Variants in PTGER3 observed in about 807,000 individuals in gnomAD.
PTGER3 encodes prostaglandin E receptor 3, also known as prostaglandin E2 receptor EP3 subtype.
Under a neutral mutation model 34.7 loss-of-function variants are expected in PTGER3, and 22 were observed. The observed-to-expected ratio is 0.63, with a 90% CI of 0.45 to 0.91. The LOEUF is 0.91. Ranked by LOEUF, PTGER3 falls within the 40% of genes least tolerant of loss-of-function variation. The pLI is 0.00. For missense variants in PTGER3, 468 were observed against 519.4 expected, an observed-to-expected ratio of 0.90 and a Z score of 0.96; for synonymous variants, 241 against 230.1, an observed-to-expected ratio of 1.05 and a Z score of -0.43.
intron 4 of PTGER3, among the ~76,000 whole-genome samples, chr1:70,854,687 G>A (rs1337457032): frequency 1.3e-5 from 2 of 152,150 alleles, no homozygotes; most frequent in African/African-American, 4.8e-5. Context: ...ATTTCCTGAG[G>A]CCTCCAAAAC....
chr1:71,029,911 G>A (rs765853075), intron 1 of PTGER3, among the ~76,000 whole-genome samples: 1 of 144,812 alleles, frequency 6.9e-6, no homozygotes, highest in Non-Finnish European at 1.5e-5. Flanking sequence ...GGGTGACAGA[G>A]TGAGACTCCA....
chr1:70,935,845 G>C (rs987322863), intron 4 of PTGER3, among the ~76,000 whole-genome samples: 3 of 151,914 alleles, frequency 2.0e-5, no homozygotes, highest in African/African-American at 7.3e-5. Context: ...AGAGAGGACA[G>C]TAGAACTAGG....
rs1009781914 is a variant in PTGER3 at position 70,970,821 on chromosome 1, C to A, written c.*909G>T. 6 of 890,944 alleles carry A rather than the reference C, an allele frequency of 6.7e-6. No homozygotes were observed. The highest frequency in any genetic ancestry group is 8.1e-6 in the Non-Finnish European group (6 of 744,070). The allele number at this position is 890,944 out of a possible 1,614,324, so 55.2% of individuals were successfully genotyped here. On this transcript the variant is annotated 3_prime_UTR_variant, in exon 4 of 4. Coordinates refer to ENST00000306666, the MANE Select transcript of PTGER3 (RefSeq NM_198719.2). The stretch of plus-strand genomic sequence containing the variant: ...ACAAAGTTTTTTATTTTAATACAGA[C>A]AAAATAGATTCTTTTATTTTATAAA...
At chr1:70,948,164 G>A (rs138559964), downstream of PTGER3, among the ~76,000 whole-genome samples, 450 of 152,100 alleles carry the variant, frequency 3.0e-3, 4 homozygotes, top group African/African-American at 0.01. Flanking sequence ...AGATTTATAC[G>A]TTGCCACTGA....
chr1:70,853,241 A>G (rs560734020), intron 4 of PTGER3, among the ~76,000 whole-genome samples: 9 of 152,296 alleles, frequency 5.9e-5, no homozygotes, highest in Non-Finnish European at 1.0e-4. Context: ...ACATAAAAAC[A>G]TTATGGTTCT....
rs144420288 is a variant in PTGER3, at chr1:70,980,104, G to A, written c.1078-5716C>T. 7.1e-3 allele frequency among the ~76,000 whole-genome samples: 1,087 copies of A among 152,182 alleles called. 21 individuals carry two copies. The highest frequency in any genetic ancestry group is 0.025 in the African/African-American group (1,023 of 41,500). ...TGAAAAGAAGAACTGGAAGGGAGGCGGGGAAGTCTTGAACAAAGACAGGAC... is the reference window on the plus strand; with the variant it reads ...TGAAAAGAAGAACTGGAAGGGAGGCAGGGAAGTCTTGAACAAAGACAGGAC... On this transcript the variant is annotated intron_variant, in intron 2 of 3. Transcript: ENST00000306666.
intron 1 of PTGER3, among the ~76,000 whole-genome samples, chr1:71,020,764 A>C (rs1051333615): frequency 6.6e-6 from 1 of 151,304 alleles, no homozygotes; most frequent in South Asian, 2.1e-4. Context: ...ATTAAAAGAA[A>C]TAGCAGATTC....
chr1:70,901,878 A>C (rs1260397004), intron 4 of PTGER3, among the ~76,000 whole-genome samples: 2 of 152,156 alleles, frequency 1.3e-5, no homozygotes, highest in Non-Finnish European at 2.9e-5. Context: ...GAAAGTAAAG[A>C]GAAAAACCAG....
intron 2 of PTGER3, among the ~76,000 whole-genome samples, chr1:70,978,747 C>A (rs1454055881): frequency 1.3e-5 from 2 of 152,088 alleles, no homozygotes; most frequent in African/African-American, 4.8e-5. Flanking sequence ...TGAGCACTGG[C>A]AAGTTCTTCT....
intron 4 of PTGER3, among the ~76,000 whole-genome samples, chr1:70,870,118 A>C (rs1646130856): frequency 6.6e-6 from 1 of 151,938 alleles, no homozygotes; most frequent in South Asian, 2.1e-4. Context: ...CCAAGCCTCC[A>C]CCACTCTTGC....
downstream of PTGER3, chr1:70,950,668 A>G (rs904405708): frequency 6.6e-5 from 10 of 152,296 alleles, no homozygotes; most frequent in African/African-American, 1.7e-4. Flanking sequence ...TTTTAGATAT[A>G]ATACCCAATA....
chr1:70,994,744 T>C (rs1479836444), intron 2 of PTGER3, among the ~76,000 whole-genome samples: 1 of 152,170 alleles, frequency 6.6e-6, no homozygotes, highest in Non-Finnish European at 1.5e-5. Context: ...GCGTGAGCCA[T>C]TGCGACCAGC....
chr1:70,877,432 G>A (rs1222827654), intron 4 of PTGER3, among the ~76,000 whole-genome samples: 4 of 152,028 alleles, frequency 2.6e-5, no homozygotes, highest in Non-Finnish European at 5.9e-5. Context: ...CTTCCTATTT[G>A]GATGCCTTGT....
intron 4 of PTGER3, among the ~76,000 whole-genome samples, chr1:70,854,939 C>A (rs910482329): frequency 6.6e-6 from 1 of 152,052 alleles, no homozygotes; most frequent in African/African-American, 2.4e-5. Flanking sequence ...ACTAAAAATG[C>A]GATTACCATA....
intron 4 of PTGER3, among the ~76,000 whole-genome samples, chr1:70,897,297 C>A (rs567333013): frequency 2.0e-5 from 3 of 152,226 alleles, no homozygotes; most frequent in Non-Finnish European, 2.9e-5. Flanking sequence ...ATCTAACCGG[C>A]AATCCATTCA....
intron 2 of PTGER3, among the ~76,000 whole-genome samples, chr1:70,995,668 A>G (rs1219192280): frequency 6.6e-6 from 1 of 152,124 alleles, no homozygotes; most frequent in Non-Finnish European, 1.5e-5. Flanking sequence ...AATTATTTAT[A>G]AAATAGGAAT....
intron 4 of PTGER3, among the ~76,000 whole-genome samples, chr1:70,928,124 T>C (rs1270958343): frequency 1.2e-5 from 1 of 84,772 alleles, no homozygotes; most frequent in East Asian, 2.4e-4. Flanking sequence ...ATTCATCATA[T>C]ATATATATTT....
chr1:70,855,040 T>C (rs1197893803), intron 4 of PTGER3, among the ~76,000 whole-genome samples: 1 of 152,202 alleles, frequency 6.6e-6, no homozygotes, highest in African/African-American at 2.4e-5. Flanking sequence ...CATTACAGCA[T>C]TATTCTCAAT....
intron 2 of PTGER3, among the ~76,000 whole-genome samples, chr1:70,960,019 G>A (rs577063059): frequency 9.9e-5 from 15 of 152,234 alleles, no homozygotes; most frequent in African/African-American, 3.4e-4. Context: ...ACACATTCAG[G>A]GAGAACACTA....
Sources: gnomAD v4.1 joint callset for allele counts (sites outside exome capture counted in the v4.1 genomes callset) on GRCh38, gnomAD v4.1.1 for gene constraint, MANE v1.5 for transcripts, NCBI Gene and HGNC (gene_info 2026-07-23, HGNC 2026-07-21) for gene names.